The following EXTL3 variants were observed in gnomAD, a reference collection of about 807,000 sequenced individuals.
The protein encoded by EXTL3 is exostosin like glycosyltransferase 3.
EXTL3 carries 27 observed loss-of-function variants against 69.3 expected under a neutral mutation model. The ratio of observed to expected loss-of-function variants is 0.39; its 90% CI spans 0.29 to 0.54. EXTL3 has a LOEUF of 0.54. Among genes scored for constraint, EXTL3 ranks in the 20% least tolerant of loss-of-function variants. EXTL3 has a pLI of 0.69. For synonymous variants in EXTL3, 511 were observed against 499.4 expected (o/e 1.02, Z -0.31); for missense variants, 1,003 against 1,231.8 (o/e 0.81, Z 2.78).
upstream of EXTL3, among the ~76,000 whole-genome samples, chr8:28,622,094 C>T (rs1441706): frequency 0.36 from 54,261 of 152,134 alleles, 10,775 homozygotes; most frequent in African/African-American, 0.54. Flanking sequence ...ACTGAGCTGA[C>T]CTGTGGTTTC....
chr8:28,691,713 C>T (rs1183788421), intron 1 of EXTL3, among the ~76,000 whole-genome samples: 3 of 151,754 alleles, frequency 2.0e-5, no homozygotes, highest in Non-Finnish European at 2.9e-5. Context: ...GCCTGACCAA[C>T]ATGGAGAAGC....
At chr8:28,635,715 C>CACACACACACACACACACA (rs374882439) in intron 1 of EXTL3, among the ~76,000 whole-genome samples, 1 of 142,726 alleles carries the variant, frequency 7.0e-6, no homozygotes. Flanking sequence ...CCCCACAACT[C>CACACACACACACACACACA]CACACACACA....
At chr8:28,712,676 T>A (rs1801055006) in intron 1 of EXTL3, among the ~76,000 whole-genome samples, 1 of 152,140 alleles carries the variant, frequency 6.6e-6, no homozygotes, top group African/African-American at 2.4e-5. Flanking sequence ...TAGGAAGGAA[T>A]GCTCATGCTA....
intron 1 of EXTL3, among the ~76,000 whole-genome samples, chr8:28,634,673 G>A (rs542273659): frequency 1.4e-5 from 2 of 147,882 alleles, no homozygotes; most frequent in Admixed American, 1.4e-4. Flanking sequence ...TCAGCTCATT[G>A]CAACCTCCAC....
chr8:28,717,506 C>T lies in EXTL3; in HGVS notation c.1447C>T (p.Leu483=). 1 of 1,614,272 alleles carries T rather than the reference C, an allele frequency of 6.2e-7. No individual in the cohort carries two copies. The highest frequency in any genetic ancestry group is 8.5e-7 in the Non-Finnish European group (1 of 1,180,050). The change falls in exon 3 of 7, where the codon CTG becomes TTG. Residue 483 remains leucine (L), a synonymous_variant. Transcript: ENST00000220562. This position sits in a 1 kb window ranked among gnomAD's most constrained non-coding sequence, Gnocchi z 8.3. The stretch of plus-strand genomic sequence containing the variant: ...CATGCTGCAGTGGAACGAGGCGGCC[C>T]TGGTGGTGCCAAAGCCTCGTGTTAC... The part of the protein sequence containing the change: ...QDMLQWNEAA[L]VVPKPRVTEV...
At chr8:28,704,708 CG>C (rs1309689146) in intron 1 of EXTL3, among the ~76,000 whole-genome samples, 5 of 151,118 alleles carry the variant, frequency 3.3e-5, no homozygotes, top group Non-Finnish European at 5.9e-5. Flanking sequence ...TCGCTCTTTT[CG>C]CCCAGGCTAG....
rs377313297 is a variant in EXTL3, at chr8:28,636,331, C to CAAA, written c.-53+13534_-53+13536dup. Among the ~76,000 whole-genome samples the CAAA allele has an allele frequency of 1.2e-3, 143 of 115,920 alleles. 3 individuals carry two copies. The highest frequency in any genetic ancestry group is 5.1e-3 in the Middle Eastern group (1 of 198). 76.0% of individuals were successfully genotyped at this position (115,920 alleles called of 152,430 possible). A position where few individuals can be genotyped will look rare whatever the true frequency, so the allele number is the denominator to read the frequency against. On this transcript the variant is annotated intron_variant, in intron 1 of 6. Transcript: ENST00000523149. ...TGGGTGACAGACCAAGACTCCATCT[C>CAAA]AAAAAAAAAAAAAAACAAATGTCTA...
At chr8:28,668,185 C>T (rs1046283342) in intron 1 of EXTL3, among the ~76,000 whole-genome samples, 22 of 148,798 alleles carry the variant, frequency 1.5e-4, no homozygotes, top group African/African-American at 3.2e-4. Context: ...GAGGATTGCT[C>T]GAGCCCAGGA....
intron 3 of EXTL3, among the ~76,000 whole-genome samples, chr8:28,722,879 T>C (rs958159711): frequency 6.6e-6 from 1 of 152,094 alleles, no homozygotes; most frequent in African/African-American, 2.4e-5. Flanking sequence ...GGAGAGTTCT[T>C]TTTTTGGGTA....
intron 2 of EXTL3, among the ~76,000 whole-genome samples, chr8:28,607,972 T>A (rs368461963): frequency 1.3e-5 from 2 of 151,452 alleles, no homozygotes; most frequent in South Asian, 2.1e-4. Context: ...TAGCCAGGCG[T>A]GGTGGTGGGC....
intron 1 of EXTL3, among the ~76,000 whole-genome samples, chr8:28,705,975 A>T (rs569774960): frequency 1.3e-5 from 2 of 152,232 alleles, no homozygotes; most frequent in African/African-American, 4.8e-5. Context: ...AAATATATAC[A>T]TATGCATTTT....
At chr8:28,626,116 G>C (rs1368133284) in intron 1 of EXTL3, among the ~76,000 whole-genome samples, 1 of 142,210 alleles carries the variant, frequency 7.0e-6, no homozygotes, top group Admixed American at 7.1e-5. Context: ...AGGTTACAGT[G>C]AGCTGAGATT....
chr8:28,683,773 G>A (rs1325930509), intron 1 of EXTL3, among the ~76,000 whole-genome samples: 1 of 151,728 alleles, frequency 6.6e-6, no homozygotes, highest in Non-Finnish European at 1.5e-5. Flanking sequence ...TTGCCCCACT[G>A]CACTCCAGCC....
chr8:28,652,039 C>CTGTG lies in EXTL3; in HGVS notation c.-53+29247_-53+29250dup, dbSNP rs34231513. On this transcript the variant is annotated intron_variant, in intron 1 of 6. Coordinates refer to the EXTL3 transcript ENST00000523149. The stretch of plus-strand genomic sequence containing the variant: ...ATAATATTCCATTGTGTGTGTGTGT[C>CTGTG]TGTGTGTGTGTGTGTGTGTGTATGT... 2.1e-3 allele frequency among the ~76,000 whole-genome samples: 307 copies of CTGTG among 145,214 alleles called. 2 individuals are homozygous for CTGTG. Among genetic ancestry groups the CTGTG allele is most frequent in the East Asian group, 5.3e-3 (27 of 5,082 alleles).
intron 1 of EXTL3, among the ~76,000 whole-genome samples, chr8:28,658,420 CTT>C (rs753729698): frequency 6.6e-6 from 1 of 152,152 alleles, no homozygotes; most frequent in Non-Finnish European, 1.5e-5. Context: ...TTCATCTAGA[CTT>C]TATTTGTGAA....
upstream of EXTL3, among the ~76,000 whole-genome samples, chr8:28,621,047 T>C (rs1806403876): frequency 6.6e-6 from 1 of 152,208 alleles, no homozygotes; most frequent in Non-Finnish European, 1.5e-5. Context: ...ATCATGTACA[T>C]TACTGTTAAT....
At chr8:28,713,957 A>G (rs1260644745) in intron 2 of EXTL3, among the ~76,000 whole-genome samples, 3 of 125,534 alleles carry the variant, frequency 2.4e-5, no homozygotes, top group Non-Finnish European at 4.7e-5. Context: ...CCTGGGCTGG[A>G]GTGCAATGGT....
chr8:28,640,757 T>C (rs972284230), intron 1 of EXTL3, among the ~76,000 whole-genome samples: 2 of 152,066 alleles, frequency 1.3e-5, no homozygotes, highest in Admixed American at 1.3e-4. Context: ...CATGTGCCAC[T>C]ACACCCGGCT....
At chr8:28,723,638 C>CTTT (rs1246416598) in intron 3 of EXTL3, among the ~76,000 whole-genome samples, 3 of 124,720 alleles carry the variant, frequency 2.4e-5, no homozygotes, top group Non-Finnish European at 1.7e-5. Context: ...GGGCTCAGGA[C>CTTT]TGTTTTTTTT....
Sources: gnomAD v4.1 joint callset for allele counts (sites outside exome capture counted in the v4.1 genomes callset) on GRCh38, gnomAD v4.1.1 for gene constraint, Gnocchi (gnomAD v3.1) non-coding constraint, MANE v1.5 for transcripts, NCBI Gene and HGNC (gene_info 2026-07-23, HGNC 2026-07-21) for gene names.